The following PCLO variants were observed in gnomAD, a reference collection of about 807,000 sequenced individuals.
PCLO encodes the protein piccolo presynaptic cytomatrix protein.
PCLO carries 82 observed loss-of-function variants against 427.5 expected under a neutral mutation model. The ratio of observed to expected loss-of-function variants is 0.19; its 90% CI spans 0.16 to 0.23. PCLO has a LOEUF of 0.23. Ranked by LOEUF, PCLO falls within the 10% of genes least tolerant of loss-of-function variation. PCLO has a pLI of 1.00. For missense variants in PCLO, 6,239 were observed against 6,115.9 expected, an observed-to-expected ratio of 1.02 and a Z score of -0.67; for synonymous variants, 2,357 against 2,155.4, an observed-to-expected ratio of 1.09 and a Z score of -2.59.
At chr7:82,951,786 C>A in intron 5 of PCLO, 70 bp downstream of exon 5, 1 of 1,513,792 alleles carries the variant, frequency 6.6e-7, no homozygotes, top group Non-Finnish European at 8.8e-7. Context: ...GCCACATTTT[C>A]ATCCTGAAAT....
chr7:82,901,629 T>C (rs1188453150), intron 9 of PCLO, among the ~76,000 whole-genome samples: 1 of 151,866 alleles, frequency 6.6e-6, no homozygotes, highest in Non-Finnish European at 1.5e-5. Context: ...ACCATCAGAG[T>C]GAACAGGCAA....
rs770303985 is a variant in PCLO, at chr7:82,838,225, C to G, written c.14215G>C (p.Gly4739Arg). 3.8e-6 allele frequency: 6 copies of G among 1,599,398 alleles called. No individual in the cohort carries two copies. In the Admixed American group the frequency reaches 6.8e-5, roughly 18 times the overall value. Residue 4739 changes from glycine (G) to arginine (R), a missense_variant, in exon 15 of 25, where the codon GGG (glycine) becomes CGG (arginine). Gly to Arg is a moderately radical substitution (Grantham distance 125). This residue lies in a region of PCLO where 877 missense variants were observed against 925.5 expected (regional missense o/e 0.95). Coordinates refer to ENST00000333891, the MANE Select transcript of PCLO (RefSeq NM_033026.6). ...CTTCTTAATTTTACTTACCCTCTCC[C>G]TGGAAGAAGGTACACTTTCACAAAA... is the stretch of plus-strand genomic sequence containing the variant. ...DPFVKVYLLP[G>R]RGQVMVVQNA... is the part of the protein sequence containing the mutation.
Position 83,135,066 on chromosome 7 carries a change from T to C in PCLO, c.2484A>G (p.Ser828=), listed in dbSNP as rs1791684423. The C allele has an allele frequency of 6.2e-7, 1 of 1,613,866 alleles. No individual in the cohort carries two copies. ...SKAIPRPASD[S]KIISHPGPSS... is the part of the protein sequence containing the mutation. The stretch of plus-strand genomic sequence containing the variant: ...TGGGACCAGGATGTGAAATAATTTT[T>C]GAATCTGATGCAGGTCGAGGTATGG... Residue 828 remains serine, a synonymous_variant, in exon 3 of 25, where the codon TCA becomes TCG. Transcript: ENST00000333891.
chr7:82,879,214 A>C (rs1793442215), intron 10 of PCLO, 123 bp downstream of exon 10: 1 of 707,170 alleles, frequency 1.4e-6, no homozygotes, highest in Non-Finnish European at 2.1e-6. Flanking sequence ...AAAATTTCAC[A>C]ACTAACCATA....
intron 3 of PCLO, among the ~76,000 whole-genome samples, chr7:83,062,469 C>T (rs556515672): frequency 6.6e-6 from 1 of 152,212 alleles, no homozygotes; most frequent in Admixed American, 6.5e-5. Flanking sequence ...GCATTTTCTT[C>T]ATTTTCTTTC....
chr7:83,128,374 T>C (rs1009693983), intron 3 of PCLO, among the ~76,000 whole-genome samples: 6 of 152,192 alleles, frequency 3.9e-5, no homozygotes, highest in Non-Finnish European at 8.8e-5. Context: ...ACTTTTTTCA[T>C]ACTAAGTTTT....
chr7:82,951,706 G>A lies in PCLO; in HGVS notation c.9097+150C>T, dbSNP rs538020022. ...TTTTTTAAAATGAAGGAACAAAAGCGCACTTGTACTCCAAAATATGCTGCT... is the reference window on the plus strand; with the variant it reads ...TTTTTTAAAATGAAGGAACAAAAGCACACTTGTACTCCAAAATATGCTGCT... On this transcript the variant is annotated intron_variant, in intron 5 of 24. Coordinates refer to ENST00000333891, the MANE Select transcript of PCLO (RefSeq NM_033026.6). 3.0e-5 allele frequency: 36 copies of A among 1,199,702 alleles called. No individual in the cohort carries two copies. In the African/African-American group the frequency reaches 3.5e-4, roughly 12 times the overall value. 74.3% of individuals were successfully genotyped at this position (1,199,702 alleles called of 1,614,324 possible).
chr7:82,928,123 A>T (rs975242755), intron 6 of PCLO, among the ~76,000 whole-genome samples: 1 of 152,166 alleles, frequency 6.6e-6, no homozygotes, highest in African/African-American at 2.4e-5. Flanking sequence ...AACATATACA[A>T]TTTATAATTT....
At chr7:83,082,387 A>T (rs1369409940) in intron 3 of PCLO, among the ~76,000 whole-genome samples, 1 of 151,750 alleles carries the variant, frequency 6.6e-6, no homozygotes, top group African/African-American at 2.4e-5. Flanking sequence ...CATGTTTTGA[A>T]ATTAATTTAT....
At chr7:82,768,188 A>G (rs963326338) in intron 22 of PCLO, among the ~76,000 whole-genome samples, 2 of 152,120 alleles carry the variant, frequency 1.3e-5, no homozygotes, top group African/African-American at 4.8e-5. Flanking sequence ...TTTGGGAGGC[A>G]CAACTGGATG....
At chr7:83,045,900 A>G (rs1385544689) in intron 3 of PCLO, among the ~76,000 whole-genome samples, 2 of 152,078 alleles carry the variant, frequency 1.3e-5, no homozygotes, top group African/African-American at 2.4e-5. Context: ...GGGGTGCTAT[A>G]ACAAAATGCC....
chr7:83,147,692 A>G (rs575833721), intron 2 of PCLO, among the ~76,000 whole-genome samples: 2 of 152,334 alleles, frequency 1.3e-5, no homozygotes, highest in East Asian at 3.9e-4. Context: ...TATATAATAT[A>G]CTTGTTTAAG....
Position 83,052,865 on chromosome 7 carries a change from A to G in PCLO, c.3300+81385T>C, listed in dbSNP as rs538070940. ...ACCTCTTCTCCCTTCATATTTCTGTATTAATCATCTTAATCTAATCTACTA... is the reference window on the plus strand; with the variant it reads ...ACCTCTTCTCCCTTCATATTTCTGTGTTAATCATCTTAATCTAATCTACTA... On this transcript the variant is annotated intron_variant, in intron 3 of 24. Transcript: ENST00000333891. Among the ~76,000 whole-genome samples, 5 of 152,104 alleles carry G rather than the reference A, an allele frequency of 3.3e-5. No individual in the cohort carries two copies. In the South Asian group the frequency reaches 1.0e-3, roughly 32 times the overall value.
intron 10 of PCLO, among the ~76,000 whole-genome samples, chr7:82,868,713 G>C (rs1267267991): frequency 6.6e-6 from 1 of 152,110 alleles, no homozygotes; most frequent in Non-Finnish European, 1.5e-5. Flanking sequence ...GATATCACTG[G>C]TTTTAGCTTT....
In PCLO at chr7:83,155,784, G is replaced by C. The variant is rs768142481; in HGVS notation, c.857C>G (p.Ala286Gly). The C allele has an allele frequency of 2.5e-6, 4 of 1,613,926 alleles. No homozygotes were observed. The South Asian group carries it at 4.4e-5, about 18-fold the overall frequency. ...RDASRPQTKQ[A>G]DIVRGESVKP... ...AACTGATTCTCCCCTTACTATGTCT[G>C]CCTGTTTAGTCTGAGGCCTGGATGC... The change falls in exon 2 of 25, where the codon GCA becomes GGA. Residue 286 changes from alanine to glycine, a missense_variant. By Grantham distance (60) the Ala-to-Gly change is moderately conservative. This residue lies in a region of PCLO where 4,677 missense variants were observed against 4,468.4 expected (regional missense o/e 1.05). Coordinates refer to ENST00000333891, the MANE Select transcript of PCLO (RefSeq NM_033026.6).
At chr7:83,096,631 T>A (rs1790545066) in intron 3 of PCLO, among the ~76,000 whole-genome samples, 1 of 149,494 alleles carries the variant, frequency 6.7e-6, no homozygotes. Context: ...ATTCAGCATG[T>A]CGAATTTTGT....
chr7:82,924,372 A>C (rs10225419), intron 6 of PCLO, among the ~76,000 whole-genome samples: 4,937 of 152,174 alleles, frequency 0.032, 268 homozygotes, highest in African/African-American at 0.11. Flanking sequence ...TAAATTATCA[A>C]AAACTAATAT....
intron 16 of PCLO, 133 bp downstream of exon 16, chr7:82,835,534 C>T (rs1792212058): frequency 6.1e-6 from 4 of 650,564 alleles, no homozygotes; most frequent in Non-Finnish European, 8.1e-6. Flanking sequence ...AGTGCTGATT[C>T]AATAGATACA....
intron 3 of PCLO, among the ~76,000 whole-genome samples, chr7:82,993,211 T>C (rs763317539): frequency 2.5e-4 from 38 of 152,112 alleles, no homozygotes; most frequent in Non-Finnish European, 4.7e-4. Flanking sequence ...GGCTAAATTT[T>C]TTCATATGTC....
Sources: allele counts gnomAD v4.1 joint callset (sites outside exome capture counted in the v4.1 genomes callset), GRCh38; gene constraint gnomAD v4.1.1; regional missense constraint gnomAD v4.1.1; transcripts MANE v1.5; gene names NCBI Gene and HGNC (gene_info 2026-07-23, HGNC 2026-07-21).